The following CNTN4 variants were observed in gnomAD, a reference collection of about 807,000 sequenced individuals.
CNTN4 encodes the protein contactin-4.
CNTN4 carries 77 observed loss-of-function variants against 122.5 expected under a neutral mutation model. That is an observed-to-expected ratio of 0.63 (90% CI 0.52 to 0.76). The LOEUF is 0.76. Ranked by LOEUF, CNTN4 falls within the 30% of genes least tolerant of loss-of-function variation. CNTN4 has a pLI of 0.00. For synonymous variants in CNTN4, 512 were observed against 447.0 expected, an observed-to-expected ratio of 1.15 and a Z score of -1.83; for missense variants, 1,256 against 1,259.1, an observed-to-expected ratio of 1.00 and a Z score of 0.04.
At chr3:2,181,393 T>C (rs2037008361) in intron 2 of CNTN4, among the ~76,000 whole-genome samples, 1 of 152,062 alleles carries the variant, frequency 6.6e-6, no homozygotes, top group Admixed American at 6.6e-5. Flanking sequence ...TTGTGTGAAA[T>C]TCTGAAAATT....
intron 2 of CNTN4, among the ~76,000 whole-genome samples, chr3:2,193,553 T>G (rs1383564133): frequency 6.6e-6 from 1 of 152,182 alleles, no homozygotes; most frequent in East Asian, 1.9e-4. Context: ...AAGTGGAAGA[T>G]GTACAGTGTT....
At chr3:2,768,405 T>C (rs748099886) in intron 6 of CNTN4, among the ~76,000 whole-genome samples, 2 of 152,218 alleles carry the variant, frequency 1.3e-5, no homozygotes, top group African/African-American at 2.4e-5. Flanking sequence ...AATATTAAAT[T>C]TGTTAACTAC....
intron 7 of CNTN4, among the ~76,000 whole-genome samples, chr3:2,831,577 A>G (rs1475088929): frequency 6.6e-6 from 1 of 152,194 alleles, no homozygotes; most frequent in Non-Finnish European, 1.5e-5. Context: ...TCTCCAGCCG[A>G]AACACACCCT....
At position 2,486,260 on chromosome 3, in the gene CNTN4, GAC is replaced by G. The variant is rs375064146; in HGVS notation, c.-88-85151_-88-85150del. ...TGAACATCAGGAGGGACAAACCCTG[GAC>G]ACACCAGCTTTAAGAACTGTAACAC... On this transcript the variant is annotated intron_variant, in intron 3 of 24. Transcript: ENST00000418658. Among the ~76,000 whole-genome samples the G allele has an allele frequency of 1.8e-3, 271 of 152,214 alleles. 4 individuals are homozygous for G. The highest frequency in any genetic ancestry group is 6.4e-3 in the African/African-American group (265 of 41,516).
At chr3:2,872,212 C>T (rs78208607) in intron 8 of CNTN4, among the ~76,000 whole-genome samples, 153 of 152,194 alleles carry the variant, frequency 1.0e-3, no homozygotes, top group African/African-American at 3.5e-3. Flanking sequence ...TAGTAGCCTT[C>T]GATGATAATC....
At chr3:2,962,330 G>A (rs537290869) in intron 13 of CNTN4, among the ~76,000 whole-genome samples, 2 of 152,182 alleles carry the variant, frequency 1.3e-5, no homozygotes, top group Admixed American at 6.5e-5. Flanking sequence ...ACACTCTTCC[G>A]AATATTCAAA....
At chr3:2,721,144 A>G (rs924558507) in intron 4 of CNTN4, among the ~76,000 whole-genome samples, 2 of 151,644 alleles carry the variant, frequency 1.3e-5, no homozygotes, top group Non-Finnish European at 2.9e-5. Context: ...GCTAATTTTT[A>G]TATTTTTAGT....
At chr3:2,976,968 T>C (rs1693476566) in intron 13 of CNTN4, among the ~76,000 whole-genome samples, 1 of 152,186 alleles carries the variant, frequency 6.6e-6, no homozygotes, top group African/African-American at 2.4e-5. Flanking sequence ...GCCAGGCTTT[T>C]CTAATTTCTC....
chr3:2,369,948 A>G (rs185784289), intron 3 of CNTN4, among the ~76,000 whole-genome samples: 4 of 152,084 alleles, frequency 2.6e-5, no homozygotes, highest in Admixed American at 6.5e-5. Context: ...TTGATACACA[A>G]TTGTCCATAT....
chr3:2,232,559 A>G (rs1208245728), intron 2 of CNTN4, among the ~76,000 whole-genome samples: 1 of 152,134 alleles, frequency 6.6e-6, no homozygotes, highest in East Asian at 1.9e-4. Context: ...CTGTCTAAAA[A>G]CTATATAGCT....
At chr3:2,929,524 AT>A (rs1398076501) in intron 13 of CNTN4, among the ~76,000 whole-genome samples, 1 of 152,214 alleles carries the variant, frequency 6.6e-6, no homozygotes, top group African/African-American at 2.4e-5. Flanking sequence ...ACAAACGAGA[AT>A]TCATTGGCTC....
At chr3:2,378,984 C>G (rs757313154) in intron 3 of CNTN4, among the ~76,000 whole-genome samples, 1 of 152,168 alleles carries the variant, frequency 6.6e-6, no homozygotes, top group African/African-American at 2.4e-5. Flanking sequence ...TCACCATCCA[C>G]ACTTCAACAA....
rs1462878405 is a variant in CNTN4, at chr3:2,591,403, C to T, written c.55+19845C>T. On this transcript the variant is annotated intron_variant, in intron 4 of 24. Transcript: ENST00000418658. ...TTTTTGAGACGGAGTCTCGCTCTGT[C>T]GCCCAGGCTGGAGTGCAGTGGCGGG... is the stretch of plus-strand genomic sequence containing the variant. Among the ~76,000 whole-genome samples the T allele has an allele frequency of 2.7e-3, 100 of 37,634 alleles. 11 individuals are homozygous for T. Among genetic ancestry groups the T allele is most frequent in the Non-Finnish European group, 1.9e-3 (34 of 18,138 alleles). The allele number at this position is 37,634 out of a possible 152,430, so 24.7% of individuals were successfully genotyped here. A position where few individuals can be genotyped will look rare whatever the true frequency, so the allele number is the denominator to read the frequency against.
intron 2 of CNTN4, among the ~76,000 whole-genome samples, chr3:2,325,369 A>G (rs932272894): frequency 1.3e-5 from 2 of 152,226 alleles, no homozygotes; most frequent in African/African-American, 4.8e-5. Flanking sequence ...TTATGAATTG[A>G]AAAGTATTTT....
At chr3:2,465,474 C>T (rs988103198) in intron 3 of CNTN4, among the ~76,000 whole-genome samples, 7 of 151,986 alleles carry the variant, frequency 4.6e-5, no homozygotes, top group African/African-American at 1.7e-4. Flanking sequence ...CTCAGGAGTT[C>T]GTGACCAGCC....
At chr3:2,798,401 C>CTATCTATA (rs374133546) in intron 6 of CNTN4, among the ~76,000 whole-genome samples, 4 of 151,636 alleles carry the variant, frequency 2.6e-5, no homozygotes, top group Non-Finnish European at 5.9e-5. Context: ...ATATATCTAT[C>CTATCTATA]TATCTATCTC....
chr3:2,819,704 A>G, intron 7 of CNTN4, 123 bp downstream of exon 7: 1 of 808,410 alleles, frequency 1.2e-6, no homozygotes. Context: ...AAGCCCCTCC[A>G]TGTGGAGGAA....
chr3:2,818,005 T>C (rs2092777100), intron 6 of CNTN4, among the ~76,000 whole-genome samples: 1 of 152,210 alleles, frequency 6.6e-6, no homozygotes, highest in Admixed American at 6.5e-5. Context: ...TAGCACTGAT[T>C]TGTTTTGTGC....
intron 7 of CNTN4, among the ~76,000 whole-genome samples, chr3:2,860,631 G>A (rs144475422): frequency 6.6e-6 from 1 of 152,104 alleles, no homozygotes; most frequent in Non-Finnish European, 1.5e-5. Flanking sequence ...CACACCTTCA[G>A]ATCTCAACTC....
Sources: allele counts gnomAD v4.1 joint callset (sites outside exome capture counted in the v4.1 genomes callset), GRCh38; gene constraint gnomAD v4.1.1; transcripts MANE v1.5; gene names NCBI Gene and HGNC (gene_info 2026-07-23, HGNC 2026-07-21).